The following ANKS1B variants were observed in gnomAD, a reference collection of about 807,000 sequenced individuals.
The protein encoded by ANKS1B is ankyrin repeat and sterile alpha motif domain containing 1B, also known as ankyrin repeat and sterile alpha motif domain-containing protein 1B.
In ANKS1B, 36 loss-of-function variants were observed where a neutral mutation model predicts 148.3. The ratio of observed to expected loss-of-function variants is 0.24; its 90% CI spans 0.19 to 0.32. The LOEUF is 0.32. ANKS1B is among the 10% of genes least tolerant of loss of function. The pLI is 1.00. For missense variants in ANKS1B, 1,157 were observed against 1,542.6 expected, an observed-to-expected ratio of 0.75 and a Z score of 4.19; for synonymous variants, 542 against 560.8, an observed-to-expected ratio of 0.97 and a Z score of 0.47.
chr12:98,761,214 G>C (rs2098399020), intron 25 of ANKS1B, among the ~76,000 whole-genome samples: 1 of 152,168 alleles, frequency 6.6e-6, no homozygotes, highest in African/African-American at 2.4e-5. Flanking sequence ...GAATGTGCTG[G>C]TCTTCTGTGC....
intron 9 of ANKS1B, among the ~76,000 whole-genome samples, chr12:99,628,364 T>C (rs2098129175): frequency 6.6e-6 from 1 of 152,156 alleles, no homozygotes; most frequent in Non-Finnish European, 1.5e-5. Flanking sequence ...CTGGTTTCTG[T>C]TTCTAAGAAA....
intron 8 of ANKS1B, among the ~76,000 whole-genome samples, chr12:99,673,490 T>C (rs997565941): frequency 6.6e-6 from 1 of 152,088 alleles, no homozygotes; most frequent in Non-Finnish European, 1.5e-5. Flanking sequence ...GTTGACCTTA[T>C]ATTTTTGGAA....
At chr12:99,514,014 C>A (rs1188188119) in intron 9 of ANKS1B, among the ~76,000 whole-genome samples, 1 of 151,944 alleles carries the variant, frequency 6.6e-6, no homozygotes, top group Non-Finnish European at 1.5e-5. Flanking sequence ...AATTTCCTTG[C>A]TGAATGATTT....
chr12:99,697,792 A>T (rs1180660609), intron 8 of ANKS1B, among the ~76,000 whole-genome samples: 1 of 152,160 alleles, frequency 6.6e-6, no homozygotes, highest in Non-Finnish European at 1.5e-5. Context: ...CAAATATACC[A>T]CATTAATGTA....
intron 15 of ANKS1B, among the ~76,000 whole-genome samples, chr12:99,110,184 T>A (rs1308487605): frequency 1.3e-5 from 2 of 152,174 alleles, no homozygotes; most frequent in Non-Finnish European, 2.9e-5. Context: ...TGTTGTAAGA[T>A]AGATGAGAAA....
intron 1 of ANKS1B, among the ~76,000 whole-genome samples, chr12:99,937,740 G>C (rs1603470289): frequency 6.6e-6 from 1 of 151,920 alleles, no homozygotes; most frequent in East Asian, 1.9e-4. Context: ...TGAGAAAAGG[G>C]GTATTTATTT....
intron 19 of ANKS1B, among the ~76,000 whole-genome samples, chr12:98,812,299 C>T (rs2099102760): frequency 6.6e-6 from 1 of 152,162 alleles, no homozygotes; most frequent in Non-Finnish European, 1.5e-5. Context: ...CATTGTGTTA[C>T]AGTCACCTAC....
chr12:99,110,757 C>T (rs911531186), intron 15 of ANKS1B, among the ~76,000 whole-genome samples: 3 of 150,984 alleles, frequency 2.0e-5, no homozygotes, highest in Admixed American at 6.6e-5. Flanking sequence ...TGTATCTAAG[C>T]GTGTTATGAA....
chr12:99,134,143 G>C (rs534341238), intron 15 of ANKS1B, among the ~76,000 whole-genome samples: 188 of 152,022 alleles, frequency 1.2e-3, no homozygotes, highest in Non-Finnish European at 2.1e-3. Flanking sequence ...TCCTCACTTG[G>C]TATCATCTAA....
At chr12:98,739,989 C>G (rs943320157), downstream of ANKS1B, among the ~76,000 whole-genome samples, 12 of 152,260 alleles carry the variant, frequency 7.9e-5, no homozygotes, top group African/African-American at 2.9e-4. Context: ...AGCAGGAAAG[C>G]TGTCACCTGC....
At chr12:99,162,185 G>C (rs1055995864) in intron 14 of ANKS1B, among the ~76,000 whole-genome samples, 1 of 152,142 alleles carries the variant, frequency 6.6e-6, no homozygotes, top group Non-Finnish European at 1.5e-5. Context: ...GTGAACTGTG[G>C]AAAGTGACTA....
intron 14 of ANKS1B, chr12:99,155,127 C>T: frequency 6.7e-7 from 1 of 1,495,048 alleles, no homozygotes. Flanking sequence ...TTTCAAAAGA[C>T]ACCAGGAAAT....
chr12:99,506,683 A>G (rs1218657734), intron 9 of ANKS1B, among the ~76,000 whole-genome samples: 1 of 152,072 alleles, frequency 6.6e-6, no homozygotes, highest in East Asian at 1.9e-4. Context: ...TCTAAGGCCC[A>G]TAAAGACAAG....
At chr12:98,835,289 AT>A (rs111770091) in intron 17 of ANKS1B, among the ~76,000 whole-genome samples, 7,457 of 152,136 alleles carry the variant, frequency 0.049, 614 homozygotes, top group African/African-American at 0.17. Flanking sequence ...GTTAATGACA[AT>A]TTCAAATGTG....
At chr12:99,890,851 C>T (rs1430496644) in intron 1 of ANKS1B, among the ~76,000 whole-genome samples, 1 of 151,792 alleles carries the variant, frequency 6.6e-6, no homozygotes, top group Non-Finnish European at 1.5e-5. Context: ...GAAGTTAGCA[C>T]TAGGTGAGCC....
chr12:99,562,181 A>C (rs1475111824), intron 9 of ANKS1B, among the ~76,000 whole-genome samples: 1 of 152,234 alleles, frequency 6.6e-6, no homozygotes, highest in East Asian at 1.9e-4. Context: ...AATACTCAGT[A>C]AACTATGCCA....
At chr12:99,228,241 T>G (rs1029667333) in intron 14 of ANKS1B, among the ~76,000 whole-genome samples, 6 of 152,150 alleles carry the variant, frequency 3.9e-5, no homozygotes, top group African/African-American at 1.4e-4. Context: ...TCTGAGCTCT[T>G]TTCCTCTTTG....
intron 23 of ANKS1B, chr12:98,781,512 G>C: frequency 2.1e-6 from 1 of 486,002 alleles, no homozygotes; most frequent in Non-Finnish European, 4.0e-6. Context: ...ACACTAAAGG[G>C]TGAATGAAGA....
At chr12:99,173,839 G>A (rs563413736) in intron 14 of ANKS1B, among the ~76,000 whole-genome samples, 40 of 152,008 alleles carry the variant, frequency 2.6e-4, no homozygotes, top group Non-Finnish European at 5.0e-4. Flanking sequence ...TAGTTCCTGT[G>A]CTTGGGAGGA....
Sources: allele counts gnomAD v4.1 joint callset (sites outside exome capture counted in the v4.1 genomes callset), GRCh38; gene constraint gnomAD v4.1.1; transcripts MANE v1.5; gene names NCBI Gene and HGNC (gene_info 2026-07-23, HGNC 2026-07-21).